The following SLC6A5 variants were observed in gnomAD, a reference collection of about 807,000 sequenced individuals.
The protein encoded by SLC6A5 is sodium- and chloride-dependent glycine transporter 2.
In SLC6A5, 58 loss-of-function variants were observed where a neutral mutation model predicts 90.5. The observed-to-expected ratio is 0.64, with a 90% CI of 0.52 to 0.80. The LOEUF (loss-of-function observed/expected upper bound fraction) is 0.80, where lower values mean the gene tolerates loss of function less well. Ranked by LOEUF, SLC6A5 falls within the 30% of genes least tolerant of loss-of-function variation. The probability of loss-of-function intolerance (pLI) is 0.00; values close to 1 mark genes in which losing one functional copy is unlikely to be tolerated. For synonymous variants in SLC6A5, 427 were observed against 401.4 expected (o/e 1.06, Z -0.76); for missense variants, 1,015 against 1,017.6 (o/e 1.00, Z 0.03).
chr11:20,654,909 C>T lies in SLC6A5; in HGVS notation c.*41C>T, dbSNP rs1478753419. The T allele has an allele frequency of 1.9e-6, 3 of 1,591,750 alleles. No individual in the cohort carries two copies. The African/African-American group carries it at 4.0e-5, about 21-fold the overall frequency. The stretch of plus-strand genomic sequence containing the variant: ...TGGTCCAGACTTGATCCTGTTTTTC[C>T]TCTCTGCCTCCTCCTAATGTTTTCC... On this transcript the variant is annotated 3_prime_UTR_variant, in exon 16 of 16. Coordinates refer to ENST00000525748, the MANE Select transcript of SLC6A5 (RefSeq NM_004211.5).
chr11:20,630,091 A>G (rs1275180904), intron 9 of SLC6A5, among the ~76,000 whole-genome samples: 1 of 152,150 alleles, frequency 6.6e-6, no homozygotes, highest in Non-Finnish European at 1.5e-5. Context: ...CTACCTAGCT[A>G]TATTTTTGTA....
rs1330270287 is a variant in SLC6A5, at chr11:20,658,266, C to G, written c.*3398C>G. 4 of 152,202 alleles carry G rather than the reference C, an allele frequency of 2.6e-5. No individual in the cohort carries two copies. Among genetic ancestry groups the G allele is most frequent in the Non-Finnish European group, 5.9e-5 (4 of 68,048 alleles). 9.4% of individuals were successfully genotyped at this position (152,202 alleles called of 1,614,324 possible). On this transcript the variant is annotated 3_prime_UTR_variant, in exon 16 of 16. Transcript: ENST00000525748. ...TTTTCTTTTCTCTTTGTTCCCTTGG[C>G]TGTAGGTCATTGTCCTCTTCCCAGA...
intron 15 of SLC6A5, among the ~76,000 whole-genome samples, chr11:20,654,011 AAT>A (rs1220929350): frequency 6.6e-6 from 1 of 152,206 alleles, no homozygotes; most frequent in Non-Finnish European, 1.5e-5. Context: ...CTTAGTCAGA[AAT>A]ATGTTTTCTT....
chr11:20,638,907 T>C (rs1853261202), intron 13 of SLC6A5, among the ~76,000 whole-genome samples: 1 of 152,198 alleles, frequency 6.6e-6, no homozygotes, highest in South Asian at 2.1e-4. Context: ...TGAAATTATT[T>C]CCTGGTATTC....
chr11:20,612,643 G>A (rs1852714746), intron 5 of SLC6A5, among the ~76,000 whole-genome samples: 1 of 152,192 alleles, frequency 6.6e-6, no homozygotes, highest in African/African-American at 2.4e-5. Context: ...TCAGCCTCCT[G>A]AGTAGTTAGG....
chr11:20,637,835 C>T (rs1417277476), intron 12 of SLC6A5, among the ~76,000 whole-genome samples: 1 of 152,208 alleles, frequency 6.6e-6, no homozygotes, highest in Non-Finnish European at 1.5e-5. Context: ...ACAGCCACTG[C>T]AGTTTCTTCC....
chr11:20,600,407 A>AGAAGAG (rs1565269096), intron 1 of SLC6A5, among the ~76,000 whole-genome samples: 2 of 147,230 alleles, frequency 1.4e-5, no homozygotes, highest in East Asian at 2.0e-4. Flanking sequence ...AAGAAGAAGA[A>AGAAGAG]GAAGACCTAA....
chr11:20,625,802 A>G (rs1380859672), intron 7 of SLC6A5, among the ~76,000 whole-genome samples: 1 of 152,020 alleles, frequency 6.6e-6, no homozygotes, highest in Admixed American at 6.6e-5. Context: ...TCTAAGCTGC[A>G]CTTGTCCAGT....
intron 7 of SLC6A5, among the ~76,000 whole-genome samples, chr11:20,625,229 C>G (rs1590167886): frequency 6.6e-6 from 1 of 152,080 alleles, no homozygotes; most frequent in African/African-American, 2.4e-5. Flanking sequence ...CAACTAACCC[C>G]CAAGTTCTGC....
intron 5 of SLC6A5, among the ~76,000 whole-genome samples, chr11:20,612,420 G>A (rs1226513210): frequency 1.3e-5 from 2 of 152,166 alleles, no homozygotes; most frequent in African/African-American, 4.8e-5. Flanking sequence ...AAGCTCTCGG[G>A]AGTAGTGGAA....
chr11:20,635,002 C>G (rs1043584434), intron 10 of SLC6A5, among the ~76,000 whole-genome samples: 3 of 152,080 alleles, frequency 2.0e-5, no homozygotes, highest in African/African-American at 7.2e-5. Context: ...GACCGTGAGG[C>G]AGGGAGAATG....
chr11:20,612,554 G>C (rs1240449511), intron 5 of SLC6A5, among the ~76,000 whole-genome samples: 1 of 152,166 alleles, frequency 6.6e-6, no homozygotes, highest in Non-Finnish European at 1.5e-5. Flanking sequence ...GTCTCATTCT[G>C]TTGCCCGGGC....
At chr11:20,645,597 T>G (rs1443838559) in intron 13 of SLC6A5, among the ~76,000 whole-genome samples, 1 of 151,666 alleles carries the variant, frequency 6.6e-6, no homozygotes, top group African/African-American at 2.4e-5. Flanking sequence ...GGTACCCACT[T>G]TTCATGAAAA....
intron 13 of SLC6A5, among the ~76,000 whole-genome samples, chr11:20,638,980 A>G (rs1853262509): frequency 6.6e-6 from 1 of 152,140 alleles, no homozygotes; most frequent in South Asian, 2.1e-4. Flanking sequence ...CTGTAGTGAG[A>G]ACAGAGACCA....
At chr11:20,645,635 GTT>G (rs150652189) in intron 13 of SLC6A5, among the ~76,000 whole-genome samples, 47,784 of 94,566 alleles carry the variant, frequency 0.51, 10,862 homozygotes, top group South Asian at 0.61. Context: ...ATGATGAAGT[GTT>G]TTTTTTTTTT....
chr11:20,606,861 C>A, intron 3 of SLC6A5, 146 bp from the exon 4 acceptor site: 1 of 927,246 alleles, frequency 1.1e-6, no homozygotes, highest in Non-Finnish European at 1.7e-6. Context: ...GTTGCTGAAA[C>A]AGGACATCAA....
At chr11:20,644,342 C>T (rs1027442358) in intron 13 of SLC6A5, among the ~76,000 whole-genome samples, 2 of 152,102 alleles carry the variant, frequency 1.3e-5, no homozygotes, top group African/African-American at 2.4e-5. Flanking sequence ...CAGTGTTTGT[C>T]TTTCTGTGCC....
At chr11:20,628,148 A>G (rs1853037851) in intron 9 of SLC6A5, 65 bp downstream of exon 9, 7 of 1,278,742 alleles carry the variant, frequency 5.5e-6, no homozygotes, top group Admixed American at 5.1e-5. Flanking sequence ...GGACTGAGTT[A>G]TCAGACACCT....
chr11:20,621,824 G>T (rs1241486838), intron 7 of SLC6A5, among the ~76,000 whole-genome samples: 1 of 152,228 alleles, frequency 6.6e-6, no homozygotes, highest in Non-Finnish European at 1.5e-5. Context: ...CTTCCTCTGA[G>T]ACAGGTCTTC....
Sources: gnomAD v4.1 joint callset for allele counts (sites outside exome capture counted in the v4.1 genomes callset) on GRCh38, gnomAD v4.1.1 for gene constraint, MANE v1.5 for transcripts, NCBI Gene and HGNC (gene_info 2026-07-23, HGNC 2026-07-21) for gene names.